Variants in SPIDR observed in about 807,000 individuals in gnomAD.
The protein encoded by SPIDR is DNA repair-scaffolding protein.
In SPIDR, 93 loss-of-function variants were observed where a neutral mutation model predicts 104.6. The ratio of observed to expected loss-of-function variants is 0.89; its 90% CI spans 0.75 to 1.06. The LOEUF is 1.06. Among genes scored for constraint, SPIDR ranks in the 50% least tolerant of loss-of-function variants. The pLI, the probability that SPIDR is intolerant of heterozygous loss-of-function variation, is 0.00. For missense variants in SPIDR, 1,154 were observed against 1,111.2 expected (o/e 1.04, Z -0.55); for synonymous variants, 431 against 416.9 (o/e 1.03, Z -0.41).
chr8:47,540,715 C>G (rs1030732293), intron 8 of SPIDR, among the ~76,000 whole-genome samples: 1 of 152,124 alleles, frequency 6.6e-6, no homozygotes, highest in Non-Finnish European at 1.5e-5. Context: ...CCCCCCATTG[C>G]CCCTAGATAG....
chr8:47,614,313 C>G (rs922585949), intron 10 of SPIDR, among the ~76,000 whole-genome samples: 93 of 151,964 alleles, frequency 6.1e-4, no homozygotes, highest in Non-Finnish European at 1.3e-3. Flanking sequence ...CCTCTGCCTC[C>G]TGGGTTCAAG....
intron 8 of SPIDR, among the ~76,000 whole-genome samples, chr8:47,571,226 G>A (rs537251485): frequency 1.3e-5 from 2 of 152,278 alleles, no homozygotes; most frequent in African/African-American, 4.8e-5. Context: ...GAGACCTAAC[G>A]GACAGCATGG....
intron 10 of SPIDR, among the ~76,000 whole-genome samples, chr8:47,666,810 A>T (rs2074995977): frequency 2.0e-5 from 3 of 152,244 alleles, no homozygotes; most frequent in Admixed American, 6.5e-5. Context: ...AATAACAAAA[A>T]CATATATTTA....
chr8:47,456,334 C>T (rs1393278747), intron 8 of SPIDR, among the ~76,000 whole-genome samples: 2 of 152,116 alleles, frequency 1.3e-5, no homozygotes. Flanking sequence ...TCAGAATAAA[C>T]CAGGCCTACT....
chr8:47,708,355 T>G (rs541172352), intron 14 of SPIDR, among the ~76,000 whole-genome samples: 63 of 152,314 alleles, frequency 4.1e-4, no homozygotes, highest in African/African-American at 1.0e-3. Context: ...ATAAAAATTT[T>G]TATTAGACTT....
intron 5 of SPIDR, among the ~76,000 whole-genome samples, chr8:47,329,136 T>C (rs1213537964): frequency 4.6e-5 from 7 of 151,538 alleles, no homozygotes; most frequent in Non-Finnish European, 1.0e-4. Context: ...AGTGGTGTAA[T>C]CTCAGCTCAC....
At chr8:47,333,996 G>A (rs563451220) in intron 5 of SPIDR, among the ~76,000 whole-genome samples, 1 of 152,258 alleles carries the variant, frequency 6.6e-6, no homozygotes, top group African/African-American at 2.4e-5. Context: ...TTTTCATATA[G>A]TTGAAAACGT....
At chr8:47,582,872 AT>A (rs1564394341) in intron 8 of SPIDR, among the ~76,000 whole-genome samples, 2 of 128,698 alleles carry the variant, frequency 1.6e-5, no homozygotes, top group African/African-American at 5.2e-5. Flanking sequence ...ACACACACAT[AT>A]TTTTAAAAGC....
intron 5 of SPIDR, among the ~76,000 whole-genome samples, chr8:47,383,638 A>C (rs1181205633): frequency 6.6e-6 from 1 of 152,136 alleles, no homozygotes; most frequent in Non-Finnish European, 1.5e-5. Context: ...ATTCTAAGAA[A>C]ATAGATTTAG....
chr8:47,687,800 C>T (rs376760633), intron 11 of SPIDR, among the ~76,000 whole-genome samples: 1 of 152,142 alleles, frequency 6.6e-6, no homozygotes, highest in South Asian at 2.1e-4. Flanking sequence ...CAGTGGCTCA[C>T]GCCTGTAATT....
At chr8:47,729,232 C>T in intron 18 of SPIDR, 180 bp from the exon 19 acceptor site, 1 of 1,445,576 alleles carries the variant, frequency 6.9e-7, no homozygotes, top group Non-Finnish European at 9.3e-7. Flanking sequence ...TGGGAGGATG[C>T]ACCCTATGTG....
At chr8:47,347,535 T>C (rs1554619166) in intron 5 of SPIDR, among the ~76,000 whole-genome samples, 1 of 152,202 alleles carries the variant, frequency 6.6e-6, no homozygotes, top group Non-Finnish European at 1.5e-5. Context: ...CTGTCTAATA[T>C]TGACAGTGGG....
intron 5 of SPIDR, among the ~76,000 whole-genome samples, chr8:47,377,989 T>C (rs1386479612): frequency 6.6e-6 from 1 of 152,262 alleles, no homozygotes; most frequent in African/African-American, 2.4e-5. Context: ...TATATGATTC[T>C]ATAAATCAAG....
chr8:47,418,873 A>G (rs2064876903), intron 7 of SPIDR, among the ~76,000 whole-genome samples: 1 of 152,202 alleles, frequency 6.6e-6, no homozygotes, highest in Non-Finnish European at 1.5e-5. Flanking sequence ...CTATTGAGAT[A>G]TTCATGTGGT....
intron 5 of SPIDR, among the ~76,000 whole-genome samples, chr8:47,377,082 G>C (rs1237078330): frequency 6.6e-6 from 1 of 152,134 alleles, no homozygotes; most frequent in African/African-American, 2.4e-5. Flanking sequence ...GCTGACCCCT[G>C]TTCTGGATGG....
Position 47,599,215 on chromosome 8 carries a change from G to T in SPIDR, c.1544+19G>T, listed in dbSNP as rs770211939. The T allele has an allele frequency of 6.2e-7, 1 of 1,611,340 alleles. No homozygotes were observed. The highest frequency in any genetic ancestry group is 1.1e-5 in the South Asian group (1 of 90,578). Reference sequence around the variant, plus strand: ...GAACTCGGTGAGTGCCAAGATGCTGGTGTGGGGCAGAGGTGAAGAGTCACT... The same window carrying T: ...GAACTCGGTGAGTGCCAAGATGCTGTTGTGGGGCAGAGGTGAAGAGTCACT... On this transcript the variant is annotated intron_variant, in intron 10 of 19. Coordinates refer to ENST00000297423, the MANE Select transcript of SPIDR (RefSeq NM_001080394.4).
intron 10 of SPIDR, among the ~76,000 whole-genome samples, chr8:47,619,526 AC>A (rs1321117430): frequency 6.6e-6 from 1 of 151,582 alleles, no homozygotes; most frequent in African/African-American, 2.4e-5. Context: ...CTTGGAACTG[AC>A]GCTTCCTCTC....
chr8:47,554,056 C>T (rs1435320131), intron 8 of SPIDR, among the ~76,000 whole-genome samples: 2 of 152,146 alleles, frequency 1.3e-5, no homozygotes, highest in Non-Finnish European at 2.9e-5. Flanking sequence ...GCAGAGGCTG[C>T]AGAACAGCAA....
intron 10 of SPIDR, among the ~76,000 whole-genome samples, chr8:47,658,733 G>A (rs189493616): frequency 5.9e-5 from 9 of 151,932 alleles, no homozygotes; most frequent in Admixed American, 1.3e-4. Context: ...TCAGGAGTTC[G>A]AGACCAGCCT....
Sources: gnomAD v4.1 joint callset for allele counts (sites outside exome capture counted in the v4.1 genomes callset) on GRCh38, gnomAD v4.1.1 for gene constraint, MANE v1.5 for transcripts, NCBI Gene and HGNC (gene_info 2026-07-23, HGNC 2026-07-21) for gene names.